Variants in ST8SIA6 observed in about 807,000 individuals in gnomAD.
ST8SIA6 encodes the protein alpha-2,8-sialyltransferase 8F.
ST8SIA6 carries 39 observed loss-of-function variants against 33.6 expected under a neutral mutation model. That is an observed-to-expected ratio of 1.16 (90% confidence interval 0.90 to 1.52). The LOEUF is 1.52. Ranked by LOEUF, ST8SIA6 falls within the 40% of genes most tolerant of loss-of-function variation. ST8SIA6 has a pLI of 0.00. For synonymous variants in ST8SIA6, 172 were observed against 167.2 expected, an observed-to-expected ratio of 1.03 and a Z score of -0.22; for missense variants, 441 against 443.8, an observed-to-expected ratio of 0.99 and a Z score of 0.06.
intron 2 of ST8SIA6, among the ~76,000 whole-genome samples, chr10:17,435,139 G>T (rs541815640): frequency 6.6e-6 from 1 of 152,292 alleles, no homozygotes; most frequent in South Asian, 2.1e-4. Flanking sequence ...AATTCATTAA[G>T]TTTGACTTCG....
chr10:17,352,569 G>A (rs1246883833), intron 4 of ST8SIA6, among the ~76,000 whole-genome samples: 2 of 152,120 alleles, frequency 1.3e-5, no homozygotes, highest in Non-Finnish European at 2.9e-5. Context: ...GAAAGGGAGC[G>A]TATTTGACAT....
intron 2 of ST8SIA6, among the ~76,000 whole-genome samples, chr10:17,406,461 C>T (rs553379749): frequency 6.0e-4 from 91 of 152,332 alleles, no homozygotes; most frequent in Non-Finnish European, 9.7e-4. Flanking sequence ...AAGCCAGACT[C>T]TTAAAGCCAC....
At chr10:17,340,668 T>C (rs1213556965) in intron 4 of ST8SIA6, among the ~76,000 whole-genome samples, 3 of 152,332 alleles carry the variant, frequency 2.0e-5, no homozygotes, top group Admixed American at 6.5e-5. Flanking sequence ...TTATTTCTTT[T>C]GCAGCACCAA....
chr10:17,374,584 A>G (rs954399383), intron 3 of ST8SIA6, among the ~76,000 whole-genome samples: 4 of 151,720 alleles, frequency 2.6e-5, no homozygotes, highest in African/African-American at 9.7e-5. Flanking sequence ...TTAGCCAGGC[A>G]TGGTGGCGGG....
intron 2 of ST8SIA6, among the ~76,000 whole-genome samples, chr10:17,452,571 T>C (rs988579003): frequency 6.6e-6 from 1 of 152,218 alleles, no homozygotes; most frequent in African/African-American, 2.4e-5. Flanking sequence ...ACTCTTTGAC[T>C]TACTAATCTC....
chr10:17,380,929 GTGTT>G (rs1320177965), intron 3 of ST8SIA6, among the ~76,000 whole-genome samples: 2 of 151,478 alleles, frequency 1.3e-5, no homozygotes, highest in African/African-American at 4.9e-5. Context: ...GTGTGTGTGT[GTGTT>G]TGTGTGTATG....
At chr10:17,430,808 CA>C (rs1251851638) in intron 2 of ST8SIA6, among the ~76,000 whole-genome samples, 8 of 152,140 alleles carry the variant, frequency 5.3e-5, no homozygotes, top group Non-Finnish European at 1.2e-4. Flanking sequence ...GCATAGTTTG[CA>C]AATATTTTCT....
At chr10:17,328,561 C>T (rs993566289) in intron 5 of ST8SIA6, among the ~76,000 whole-genome samples, 1 of 152,086 alleles carries the variant, frequency 6.6e-6, no homozygotes, top group East Asian at 1.9e-4. Flanking sequence ...CCTGATCTAC[C>T]GATTTTGTCT....
At chr10:17,343,326 A>C (rs1350451649) in intron 4 of ST8SIA6, among the ~76,000 whole-genome samples, 1 of 152,242 alleles carries the variant, frequency 6.6e-6, no homozygotes, top group Admixed American at 6.5e-5. Flanking sequence ...AAGAAAAATC[A>C]ATAGACGGTT....
chr10:17,318,304 C>T lies in ST8SIA6; in HGVS notation c.*2574G>A, dbSNP rs926267581. 4.7e-6 allele frequency: 1 copy of T among 215,020 alleles called. No individual in the cohort carries two copies. The highest frequency in any genetic ancestry group is 7.7e-5 in the South Asian group (1 of 12,944). 13.3% of individuals were successfully genotyped at this position (215,020 alleles called of 1,614,324 possible). ...GATCACAGCTCACTGCAGCCTCTAC[C>T]TCCTGGGCTCCAGTGAACCTCCCTC... On this transcript the variant is annotated 3_prime_UTR_variant, in exon 8 of 8. Coordinates refer to ENST00000377602, the MANE Select transcript of ST8SIA6 (RefSeq NM_001004470.3).
intron 3 of ST8SIA6, among the ~76,000 whole-genome samples, chr10:17,374,734 AT>A (rs1588855772): frequency 2.7e-5 from 2 of 74,566 alleles, no homozygotes; most frequent in East Asian, 1.1e-3. Flanking sequence ...AAATAAATAA[AT>A]AAATAAATAA....
intron 2 of ST8SIA6, among the ~76,000 whole-genome samples, chr10:17,401,053 CCTT>C (rs1214267711): frequency 6.6e-6 from 1 of 152,134 alleles, no homozygotes; most frequent in Non-Finnish European, 1.5e-5. Flanking sequence ...CCCAAAATCT[CCTT>C]AAGCTGATAA....
intron 2 of ST8SIA6, among the ~76,000 whole-genome samples, chr10:17,417,112 G>A (rs572363192): frequency 7.2e-5 from 11 of 152,200 alleles, no homozygotes; most frequent in South Asian, 4.1e-4. Flanking sequence ...TAATCATGGC[G>A]GGATGTAAAG....
intron 4 of ST8SIA6, among the ~76,000 whole-genome samples, chr10:17,337,157 C>CTTCCTG (rs150746386): frequency 2.0e-5 from 3 of 151,522 alleles, no homozygotes; most frequent in African/African-American, 7.3e-5. Context: ...TCTCTCTCTT[C>CTTCCTG]CTCCGGCCGT....
intron 3 of ST8SIA6, among the ~76,000 whole-genome samples, chr10:17,384,855 CT>C (rs1331202823): frequency 6.6e-6 from 1 of 152,110 alleles, no homozygotes; most frequent in Non-Finnish European, 1.5e-5. Flanking sequence ...TTGTTTGTAG[CT>C]TTTTCCCCCT....
intron 4 of ST8SIA6, among the ~76,000 whole-genome samples, chr10:17,359,060 A>G (rs1403265672): frequency 1.3e-5 from 2 of 152,218 alleles, no homozygotes; most frequent in Non-Finnish European, 2.9e-5. Context: ...TATTACTTAA[A>G]GCAACTCACG....
At chr10:17,444,838 G>A (rs1852645795) in intron 2 of ST8SIA6, among the ~76,000 whole-genome samples, 1 of 152,168 alleles carries the variant, frequency 6.6e-6, no homozygotes, top group African/African-American at 2.4e-5. Context: ...AAAAGAGAAG[G>A]GTTGCAATTA....
intron 3 of ST8SIA6, among the ~76,000 whole-genome samples, chr10:17,389,687 C>T (rs1179307432): frequency 6.6e-6 from 1 of 152,120 alleles, no homozygotes; most frequent in African/African-American, 2.4e-5. Context: ...AAATCGTTCA[C>T]CTGGCTGAAA....
At chr10:17,376,833 G>T (rs1849931145) in intron 3 of ST8SIA6, among the ~76,000 whole-genome samples, 1 of 152,088 alleles carries the variant, frequency 6.6e-6, no homozygotes, top group African/African-American at 2.4e-5. Context: ...AAGGGAAGAG[G>T]ATGGGGTAGA....
Sources: gnomAD v4.1 joint callset for allele counts (sites outside exome capture counted in the v4.1 genomes callset) on GRCh38, gnomAD v4.1.1 for gene constraint, MANE v1.5 for transcripts, NCBI Gene and HGNC (gene_info 2026-07-23, HGNC 2026-07-21) for gene names.